Variants in PDGFRL observed in about 807,000 individuals in gnomAD.
The protein encoded by PDGFRL is platelet-derived growth factor receptor-like protein.
In PDGFRL, 46 loss-of-function variants were observed where a neutral mutation model predicts 37.2. That is an observed-to-expected ratio of 1.24 (90% CI 0.98 to 1.58). The LOEUF is 1.58. Among genes scored for constraint, PDGFRL ranks in the 40% most tolerant of loss-of-function variants. The pLI, the probability that PDGFRL is intolerant of heterozygous loss-of-function variation, is 0.00. For missense variants in PDGFRL, 692 were observed against 467.6 expected, an observed-to-expected ratio of 1.48 and a Z score of -4.43; for synonymous variants, 251 against 184.3, an observed-to-expected ratio of 1.36 and a Z score of -2.93.
At chr8:17,626,907 A>T (rs1334185501) in intron 3 of PDGFRL, among the ~76,000 whole-genome samples, 1 of 152,178 alleles carries the variant, frequency 6.6e-6, no homozygotes, top group East Asian at 1.9e-4. Flanking sequence ...TTTCAGAGGA[A>T]ATGGGGGGAG....
intron 2 of PDGFRL, among the ~76,000 whole-genome samples, chr8:17,592,782 AACT>A (rs1215462477): frequency 6.6e-6 from 1 of 152,108 alleles, no homozygotes; most frequent in African/African-American, 2.4e-5. Context: ...TCACACTGAA[AACT>A]ACTATTATTT....
intron 2 of PDGFRL, among the ~76,000 whole-genome samples, chr8:17,607,338 T>C (rs1472317393): frequency 6.6e-6 from 1 of 152,092 alleles, no homozygotes; most frequent in Non-Finnish European, 1.5e-5. Context: ...TTCTATAGTT[T>C]TGGGGAAAAC....
intron 5 of PDGFRL, among the ~76,000 whole-genome samples, chr8:17,637,496 T>C (rs11991722): frequency 0.013 from 1,934 of 152,336 alleles, 43 homozygotes; most frequent in African/African-American, 0.044. Flanking sequence ...GATTTTTGCA[T>C]CTATATTCAT....
intron 1 of PDGFRL, among the ~76,000 whole-genome samples, chr8:17,587,297 C>G (rs1210189489): frequency 8.5e-5 from 13 of 152,162 alleles, no homozygotes; most frequent in Admixed American, 2.6e-4. Context: ...CAGATAATCT[C>G]ATGTTCCTGA....
chr8:17,593,109 C>T (rs1044321337), intron 2 of PDGFRL, among the ~76,000 whole-genome samples: 1 of 152,078 alleles, frequency 6.6e-6, no homozygotes, highest in Non-Finnish European at 1.5e-5. Context: ...TAGAGTCCTT[C>T]TTAAAGGTGA....
At chr8:17,579,915 A>G (rs577577038) in intron 1 of PDGFRL, among the ~76,000 whole-genome samples, 89 of 152,302 alleles carry the variant, frequency 5.8e-4, no homozygotes, top group African/African-American at 2.0e-3. Flanking sequence ...TGAGATGTCA[A>G]TCATAGCACC....
At chr8:17,615,680 CT>C (rs563920720) in intron 2 of PDGFRL, among the ~76,000 whole-genome samples, 166 of 152,202 alleles carry the variant, frequency 1.1e-3, no homozygotes, top group African/African-American at 3.7e-3. Context: ...CTTGGGGAGG[CT>C]GTGGTGGGAG....
chr8:17,596,257 G>C (rs1804049989), intron 2 of PDGFRL: 1 of 851,372 alleles, frequency 1.2e-6, no homozygotes, highest in Admixed American at 4.3e-5. Context: ...TGTCCTCTCT[G>C]GACCTCAGTT....
chr8:17,639,463 C>T (rs1003322424), intron 5 of PDGFRL, among the ~76,000 whole-genome samples: 1 of 152,038 alleles, frequency 6.6e-6, no homozygotes, highest in African/African-American at 2.4e-5. Flanking sequence ...TCTTACAGTG[C>T]TGGGTTTGTA....
intron 2 of PDGFRL, among the ~76,000 whole-genome samples, chr8:17,612,623 G>A (rs1449827516): frequency 2.0e-5 from 3 of 152,058 alleles, no homozygotes; most frequent in East Asian, 3.9e-4. Context: ...CACCTACCTC[G>A]GCCTCCCAAA....
chr8:17,597,012 G>T (rs1015710568), intron 2 of PDGFRL, among the ~76,000 whole-genome samples: 2 of 147,298 alleles, frequency 1.4e-5, no homozygotes, highest in Admixed American at 6.6e-5. Flanking sequence ...AAGCCTTGTA[G>T]TTTTTTTTGT....
At chr8:17,621,533 C>T (rs999357172) in intron 3 of PDGFRL, among the ~76,000 whole-genome samples, 1 of 152,012 alleles carries the variant, frequency 6.6e-6, no homozygotes, top group South Asian at 2.1e-4. Context: ...TCTGTCCCTG[C>T]ACTCCCCAAT....
chr8:17,625,009 C>A (rs1010647860), intron 3 of PDGFRL, among the ~76,000 whole-genome samples: 2 of 146,906 alleles, frequency 1.4e-5, no homozygotes, highest in African/African-American at 4.9e-5. Flanking sequence ...TATTATTATA[C>A]TTTAAGTTTT....
intron 2 of PDGFRL, among the ~76,000 whole-genome samples, chr8:17,596,568 A>G (rs1364392468): frequency 6.6e-6 from 1 of 152,254 alleles, no homozygotes; most frequent in Admixed American, 6.5e-5. Context: ...TTTCAAATAT[A>G]TCTAAATTAT....
intron 5 of PDGFRL, among the ~76,000 whole-genome samples, chr8:17,637,690 C>T (rs1805000356): frequency 1.3e-5 from 2 of 152,158 alleles, no homozygotes; most frequent in African/African-American, 2.4e-5. Context: ...GTGAATCCAT[C>T]TGATTCTGGG....
intron 2 of PDGFRL, among the ~76,000 whole-genome samples, chr8:17,610,185 C>T (rs982849569): frequency 1.3e-5 from 2 of 152,134 alleles, no homozygotes; most frequent in African/African-American, 4.8e-5. Flanking sequence ...CTTCCAGGGC[C>T]GATTCTTCCC....
chr8:17,637,332 G>A (rs915758345), intron 5 of PDGFRL, among the ~76,000 whole-genome samples: 1 of 152,142 alleles, frequency 6.6e-6, no homozygotes, highest in Non-Finnish European at 1.5e-5. Context: ...TGTGTCTGTT[G>A]AGATGATCAT....
At position 17,589,671 on chromosome 8, in the gene PDGFRL, C is replaced by G. The variant is rs1472785098; in HGVS notation, c.259C>G (p.Leu87Val). The G allele has an allele frequency of 6.2e-7, 1 of 1,612,776 alleles. No homozygotes were observed. The highest frequency in any genetic ancestry group is 8.5e-7 in the Non-Finnish European group (1 of 1,178,896). Residue 87 changes from leucine (L) to valine (V), a missense_variant, in exon 2 of 6, where the codon CTG becomes GTG. Transcript: ENST00000251630. Reference sequence around the variant, plus strand: ...GAAACCCGCCGCTACCCTGAGTCTGCTGGCGGGGCAAACTGTAGAGCTTCG... The same window carrying G: ...GAAACCCGCCGCTACCCTGAGTCTGGTGGCGGGGCAAACTGTAGAGCTTCG... ...FQKPAATLSLLAGQTVELRCK... is the reference protein window; with the variant it reads ...FQKPAATLSLVAGQTVELRCK...
chr8:17,581,796 C>T (rs775718564), intron 1 of PDGFRL, among the ~76,000 whole-genome samples: 8 of 152,108 alleles, frequency 5.3e-5, no homozygotes, highest in Non-Finnish European at 1.0e-4. Flanking sequence ...GCCTGCAGAA[C>T]GATGAGCCAA....
Sources: gnomAD v4.1 joint callset for allele counts (sites outside exome capture counted in the v4.1 genomes callset) on GRCh38, gnomAD v4.1.1 for gene constraint, MANE v1.5 for transcripts, NCBI Gene and HGNC (gene_info 2026-07-23, HGNC 2026-07-21) for gene names.